Variants in ATXN1 observed in about 807,000 individuals in gnomAD.
ATXN1 encodes the protein ataxin-1.
A neutral mutation model predicts 56.4 loss-of-function variants in ATXN1; 8 were observed. The ratio of observed to expected loss-of-function variants is 0.14; its 90% CI spans 0.08 to 0.26. The LOEUF is 0.26. Ranked by LOEUF, ATXN1 falls within the 10% of genes least tolerant of loss-of-function variation. The pLI, the probability that ATXN1 is intolerant of heterozygous loss-of-function variation, is 1.00. For missense variants in ATXN1, 987 were observed against 1,106.5 expected, an observed-to-expected ratio of 0.89 and a Z score of 1.53; for synonymous variants, 514 against 494.6, an observed-to-expected ratio of 1.04 and a Z score of -0.52.
chr6:16,660,297 G>T (rs1196368259), intron 2 of ATXN1, among the ~76,000 whole-genome samples: 1 of 152,184 alleles, frequency 6.6e-6, no homozygotes, highest in Non-Finnish European at 1.5e-5. Flanking sequence ...AAAAGCAGAA[G>T]AGAAAGCACA....
At chr6:16,687,507 G>A (rs183175303) in intron 2 of ATXN1, among the ~76,000 whole-genome samples, 375 of 149,076 alleles carry the variant, frequency 2.5e-3, no homozygotes, top group Non-Finnish European at 4.3e-3. Flanking sequence ...CCTTGTGTCC[G>A]CAAGAGGGAA....
At chr6:16,376,957 C>T (rs902156349) in intron 6 of ATXN1, among the ~76,000 whole-genome samples, 1 of 152,194 alleles carries the variant, frequency 6.6e-6, no homozygotes, top group Non-Finnish European at 1.5e-5. Context: ...CCTGCAGGAA[C>T]CTAGCAATCT....
At chr6:16,689,071 G>GTC (rs1758983111) in intron 2 of ATXN1, among the ~76,000 whole-genome samples, 1 of 151,996 alleles carries the variant, frequency 6.6e-6, no homozygotes, top group Non-Finnish European at 1.5e-5. Context: ...GTGTGTGTGT[G>GTC]TCCATGTATT....
intron 4 of ATXN1, among the ~76,000 whole-genome samples, chr6:16,555,464 C>G (rs1220247004): frequency 6.6e-6 from 1 of 152,214 alleles, no homozygotes; most frequent in Non-Finnish European, 1.5e-5. Flanking sequence ...CCTAAACACA[C>G]CACCTAACAA....
In ATXN1 at chr6:16,607,472, G is replaced by A. The variant is rs1055149562; in HGVS notation, c.-488-21565C>T. Among the ~76,000 whole-genome samples the A allele has an allele frequency of 2.0e-5, 3 of 152,214 alleles. No individual in the cohort carries two copies. In the East Asian group the frequency reaches 5.8e-4, roughly 29 times the overall value. On this transcript the variant is annotated intron_variant, in intron 3 of 7. Transcript: ENST00000436367. ...TGATATTGCGCTGCATGGTAATTGA[G>A]CTTGGAAAGCATGTCCCAATGTGTC... is the stretch of plus-strand genomic sequence containing the variant.
chr6:16,361,191 T>G (rs1011503179), intron 6 of ATXN1, among the ~76,000 whole-genome samples: 7 of 152,154 alleles, frequency 4.6e-5, no homozygotes, highest in Admixed American at 1.3e-4. Context: ...GCTCTATATA[T>G]AGAGACATTA....
At chr6:16,588,697 C>T (rs1261108208) in intron 3 of ATXN1, among the ~76,000 whole-genome samples, 2 of 152,164 alleles carry the variant, frequency 1.3e-5, no homozygotes, top group African/African-American at 4.8e-5. Context: ...TCCACTCTCA[C>T]CCCTCCTTTC....
intron 6 of ATXN1, among the ~76,000 whole-genome samples, chr6:16,431,010 C>T (rs1338545664): frequency 6.7e-6 from 1 of 149,128 alleles, no homozygotes. Context: ...GCAGAGCCCT[C>T]TCATGTTTCT....
At chr6:16,368,343 C>CTTCTTTTTTTTTTTTTTTTTTTT (rs1354007963) in intron 6 of ATXN1, among the ~76,000 whole-genome samples, 2 of 75,872 alleles carry the variant, frequency 2.6e-5, no homozygotes, top group African/African-American at 7.7e-5. Flanking sequence ...ACTTCTTCTT[C>CTTCTTTTTTTTTTTTTTTTTTTT]TTTTTTTTTT....
intron 3 of ATXN1, among the ~76,000 whole-genome samples, chr6:16,617,433 T>C (rs1318304745): frequency 1.3e-5 from 2 of 151,082 alleles, no homozygotes; most frequent in African/African-American, 4.9e-5. Flanking sequence ...TGAAAAAAAA[T>C]ATATGAAAGA....
At chr6:16,644,759 G>A (rs1370316096) in intron 3 of ATXN1, among the ~76,000 whole-genome samples, 1 of 152,060 alleles carries the variant, frequency 6.6e-6, no homozygotes, top group Non-Finnish European at 1.5e-5. Context: ...TACTGACGTG[G>A]CCACTCACCA....
chr6:16,657,144 C>T (rs904220217), intron 3 of ATXN1, among the ~76,000 whole-genome samples: 3 of 151,970 alleles, frequency 2.0e-5, no homozygotes, highest in Non-Finnish European at 4.4e-5. Context: ...CCACTACACC[C>T]GGCTAATTTT....
At chr6:16,701,946 G>C (rs550985158) in intron 2 of ATXN1, among the ~76,000 whole-genome samples, 70 of 152,094 alleles carry the variant, frequency 4.6e-4, no homozygotes, top group Non-Finnish European at 5.9e-4. Flanking sequence ...TCCCCATCAA[G>C]CTACCAATGA....
At chr6:16,708,546 T>A (rs1417060824) in intron 2 of ATXN1, among the ~76,000 whole-genome samples, 1 of 152,220 alleles carries the variant, frequency 6.6e-6, no homozygotes, top group Non-Finnish European at 1.5e-5. Flanking sequence ...GGCTGAAGTC[T>A]GAACAGCCTG....
chr6:16,584,239 T>C (rs1422859659), intron 4 of ATXN1, among the ~76,000 whole-genome samples: 21 of 127,554 alleles, frequency 1.6e-4, no homozygotes, highest in African/African-American at 5.5e-4. Flanking sequence ...TATATATATA[T>C]ATATACACAC....
chr6:16,458,263 GT>G (rs1195754136), intron 6 of ATXN1, among the ~76,000 whole-genome samples: 1 of 152,188 alleles, frequency 6.6e-6, no homozygotes, highest in Non-Finnish European at 1.5e-5. Flanking sequence ...GCAAACATCT[GT>G]TGACCTGTAT....
At chr6:16,405,278 C>T (rs148916105) in intron 6 of ATXN1, among the ~76,000 whole-genome samples, 49 of 152,368 alleles carry the variant, frequency 3.2e-4, no homozygotes, top group African/African-American at 1.1e-3. Flanking sequence ...ATCTATATCA[C>T]ACCAATAAAA....
At chr6:16,570,493 C>T (rs190292031) in intron 4 of ATXN1, among the ~76,000 whole-genome samples, 1 of 152,246 alleles carries the variant, frequency 6.6e-6, no homozygotes. Context: ...AAGTAGGACC[C>T]ACGTAGATTA....
At chr6:16,432,948 C>G (rs1759315312) in intron 6 of ATXN1, 1 of 152,152 alleles carries the variant, frequency 6.6e-6, no homozygotes, top group African/African-American at 2.4e-5. Context: ...ATCCTCACCT[C>G]TCAGTTCAGA....
Sources: allele counts gnomAD v4.1 joint callset (sites outside exome capture counted in the v4.1 genomes callset), GRCh38; gene constraint gnomAD v4.1.1; transcripts MANE v1.5; gene names NCBI Gene and HGNC (gene_info 2026-07-23, HGNC 2026-07-21).